INO80: variants seen among roughly 807,000 people sequenced by gnomAD.
INO80 encodes the protein chromatin-remodeling ATPase INO80.
INO80 carries 20 observed loss-of-function variants against 203.4 expected under a neutral mutation model. That is an observed-to-expected ratio of 0.10 (90% CI 0.07 to 0.14). The LOEUF is 0.14. Ranked by LOEUF, INO80 falls within the 10% of genes least tolerant of loss-of-function variation. The pLI is 1.00. For synonymous variants in INO80, 726 were observed against 685.2 expected, an observed-to-expected ratio of 1.06 and a Z score of -0.93; for missense variants, 1,419 against 1,914.4, an observed-to-expected ratio of 0.74 and a Z score of 4.83.
chr15:41,020,198 G>A (rs1271391434), intron 26 of INO80, among the ~76,000 whole-genome samples: 1 of 152,018 alleles, frequency 6.6e-6, no homozygotes, highest in Non-Finnish European at 1.5e-5. Context: ...TCCAGCCTGG[G>A]CAACAGAGCG....
At chr15:41,052,433 G>T (rs144466537) in intron 19 of INO80, among the ~76,000 whole-genome samples, 1 of 152,140 alleles carries the variant, frequency 6.6e-6, no homozygotes, top group Non-Finnish European at 1.5e-5. Context: ...AGCACTCTGG[G>T]AGGTTGAGGT....
chr15:41,007,687 A>C (rs1284810727), intron 27 of INO80, among the ~76,000 whole-genome samples: 1 of 151,168 alleles, frequency 6.6e-6, no homozygotes, highest in African/African-American at 2.4e-5. Flanking sequence ...CACTGCTTCA[A>C]GTCTTAGCTC....
intron 4 of INO80, among the ~76,000 whole-genome samples, chr15:41,095,002 C>T (rs1386410763): frequency 6.7e-6 from 1 of 150,288 alleles, no homozygotes; most frequent in African/African-American, 2.5e-5. Context: ...TGGGTCCCAT[C>T]TCCAAGATAT....
At chr15:41,072,845 A>G (rs184065100) in intron 11 of INO80, among the ~76,000 whole-genome samples, 252 of 151,710 alleles carry the variant, frequency 1.7e-3, no homozygotes, top group Admixed American at 7.1e-3. Context: ...CAGTGGCACA[A>G]TCTCGGCTCA....
At chr15:41,046,533 G>A (rs2140523195) in intron 23 of INO80, among the ~76,000 whole-genome samples, 1 of 146,736 alleles carries the variant, frequency 6.8e-6, no homozygotes, top group Non-Finnish European at 1.5e-5. Context: ...GCCTATTTAA[G>A]ATATATTATG....
At position 41,071,953 on chromosome 15, in the gene INO80, A is replaced by G. The variant is rs730882226; in HGVS notation, c.1501T>C (p.Ser501Pro). 1.2e-5 allele frequency: 20 copies of G among 1,613,764 alleles called. No individual in the cohort carries two copies. In the African/African-American group the frequency reaches 1.3e-4, roughly 11 times the overall value. The change falls in exon 12 of 36, where the codon TCT (serine) becomes CCT (proline). Residue 501 changes from serine (S) to proline (P), a missense_variant. This residue lies in a region of INO80 where 192 missense variants were observed against 406.7 expected (regional missense o/e 0.47). Coordinates refer to ENST00000648947, the MANE Select transcript of INO80 (RefSeq NM_017553.3). ...GGAATATCCTCACCAGCCCGGATAGATGGGTTAGCCAGGCTATAACTCTCC... is the reference window on the plus strand; with the variant it reads ...GGAATATCCTCACCAGCCCGGATAGGTGGGTTAGCCAGGCTATAACTCTCC... ...FGESYSLANP[S>P]IRAGEDIPQP... is the part of the protein sequence containing the mutation.
intron 23 of INO80, among the ~76,000 whole-genome samples, chr15:41,045,672 C>G (rs1478356745): frequency 1.3e-5 from 2 of 151,066 alleles, no homozygotes; most frequent in African/African-American, 4.9e-5. Flanking sequence ...ACAGGCAGAT[C>G]AATTGAGGCC....
At chr15:40,984,393 C>T (rs755153051) in intron 32 of INO80, 41 bp from the exon 33 acceptor site, 4 of 1,583,136 alleles carry the variant, frequency 2.5e-6, no homozygotes, top group African/African-American at 1.3e-5. Flanking sequence ...TGTGAGGATG[C>T]ACCCCAAAAG....
Position 40,979,266 on chromosome 15 carries a change from CTG to C in INO80, c.*955_*956del, listed in dbSNP as rs1312574174. On this transcript the variant is annotated 3_prime_UTR_variant, in exon 36 of 36. Coordinates refer to ENST00000648947, the MANE Select transcript of INO80 (RefSeq NM_017553.3). Reference sequence around the variant, plus strand: ...CACCTCCCATGCAAACACTGCCCCTCTGTCTCTACTGGAGGGCAGCAAGCTCA... The same window carrying C: ...CACCTCCCATGCAAACACTGCCCCTCTCTCTACTGGAGGGCAGCAAGCTCA... 6.5e-6 allele frequency: 1 copy of C among 152,696 alleles called. No homozygotes were observed. The highest frequency in any genetic ancestry group is 1.5e-5 in the Non-Finnish European group (1 of 68,066). 9.5% of individuals were successfully genotyped at this position (152,696 alleles called of 1,614,324 possible).
intron 25 of INO80, chr15:41,024,555 G>A (rs905274886): frequency 6.6e-6 from 1 of 152,204 alleles, no homozygotes; most frequent in Non-Finnish European, 1.5e-5. Context: ...CCCCTTAAGC[G>A]TTCAGCGCGT....
At chr15:41,040,445 A>C (rs2044649106) in intron 24 of INO80, among the ~76,000 whole-genome samples, 1 of 152,218 alleles carries the variant, frequency 6.6e-6, no homozygotes, top group Admixed American at 6.5e-5. Flanking sequence ...CCTGCTTGAC[A>C]AGTGATGCTA....
chr15:41,027,238 A>G (rs559005035), intron 25 of INO80, among the ~76,000 whole-genome samples: 1 of 152,272 alleles, frequency 6.6e-6, no homozygotes, highest in African/African-American at 2.4e-5. Flanking sequence ...CCCTCTCATG[A>G]AAACCCTCAA....
At chr15:40,998,935 G>A (rs1452800874) in intron 28 of INO80, among the ~76,000 whole-genome samples, 4 of 151,532 alleles carry the variant, frequency 2.6e-5, no homozygotes, top group African/African-American at 7.3e-5. Flanking sequence ...GATTCCAGGC[G>A]TGAGCCACTG....
At chr15:41,103,325 C>T (rs751040994) in intron 1 of INO80, among the ~76,000 whole-genome samples, 6 of 152,180 alleles carry the variant, frequency 3.9e-5, no homozygotes, top group Non-Finnish European at 5.9e-5. Flanking sequence ...TTCCCACCTC[C>T]AGGTTCTTCT....
At chr15:41,105,181 G>A (rs2045864212) in intron 1 of INO80, among the ~76,000 whole-genome samples, 2 of 152,116 alleles carry the variant, frequency 1.3e-5, no homozygotes, top group African/African-American at 4.8e-5. Flanking sequence ...TAACTATGTG[G>A]TCTAACAATC....
intron 7 of INO80, among the ~76,000 whole-genome samples, chr15:41,084,857 C>A (rs1481856195): frequency 6.6e-6 from 1 of 152,140 alleles, no homozygotes; most frequent in African/African-American, 2.4e-5. Flanking sequence ...CTGCCTCAGC[C>A]ACTTGCATAG....
intron 24 of INO80, among the ~76,000 whole-genome samples, chr15:41,038,225 A>G (rs957575723): frequency 7.3e-5 from 11 of 151,654 alleles, no homozygotes; most frequent in Admixed American, 2.0e-4. Flanking sequence ...CATGTTTGCC[A>G]GGCTGGTCTC....
At chr15:41,010,973 C>T (rs1396898689) in intron 27 of INO80, among the ~76,000 whole-genome samples, 1 of 152,192 alleles carries the variant, frequency 6.6e-6, no homozygotes, top group Non-Finnish European at 1.5e-5. Context: ...GCAAATTGAA[C>T]CAAGAGTTAA....
In INO80 at chr15:41,020,191, A is replaced by G. The variant is rs2044269569; in HGVS notation, c.3274+709T>C. The stretch of plus-strand genomic sequence containing the variant: ...AGCCGAGATCACGCCACTGCACTCC[A>G]GCCTGGGCAACAGAGCGGGACTCCA... On this transcript the variant is annotated intron_variant, in intron 26 of 35. Transcript: ENST00000648947. 2.0e-5 allele frequency among the ~76,000 whole-genome samples: 3 copies of G among 152,270 alleles called. No homozygotes were observed. The South Asian group carries it at 6.2e-4, about 32-fold the overall frequency.
Sources: gnomAD v4.1 joint callset for allele counts (sites outside exome capture counted in the v4.1 genomes callset) on GRCh38, gnomAD v4.1.1 for gene constraint, gnomAD v4.1.1 regional missense constraint, MANE v1.5 for transcripts, NCBI Gene and HGNC (gene_info 2026-07-23, HGNC 2026-07-21) for gene names.